Variants in MOK observed in about 807,000 individuals in gnomAD.
The protein encoded by MOK is MAPK/MAK/MRK overlapping kinase.
Under a neutral mutation model 54.2 loss-of-function variants are expected in MOK, and 59 were observed. The observed-to-expected ratio is 1.09, with a 90% CI of 0.88 to 1.35. The LOEUF (loss-of-function observed/expected upper bound fraction) is 1.35. MOK is among the 40% of genes most tolerant of loss of function. MOK has a pLI of 0.00. For synonymous variants in MOK, 210 were observed against 202.7 expected (o/e 1.04, Z -0.31); for missense variants, 517 against 526.2 (o/e 0.98, Z 0.17).
chr14:102,250,834 A>T lies in MOK; in HGVS notation c.568T>A (p.Cys190Ser), dbSNP rs748164414. The change falls in exon 7 of 12, where the codon TGT becomes AGT. Residue 190 changes from cysteine to serine, a missense_variant. Cys to Ser is a moderately radical substitution (Grantham distance 112, BLOSUM62 -1). Transcript: ENST00000361847. ...TACCTGGCGATCTCGTAGAACACAC[A>T]GCCGGCGCTCCACAGGTCCATCTTG... Reference protein sequence around the residue: ...TYKMDLWSAGCVFYEIASLQP... With the variant: ...TYKMDLWSAGSVFYEIASLQP... 1.3e-5 allele frequency: 21 copies of T among 1,614,002 alleles called. No individual in the cohort carries two copies. The South Asian group carries it at 2.3e-4, about 18-fold the overall frequency.
At chr14:102,299,585 GT>G (rs1237999816) in intron 1 of MOK, among the ~76,000 whole-genome samples, 1 of 152,006 alleles carries the variant, frequency 6.6e-6, no homozygotes, top group African/African-American at 2.4e-5. Context: ...ACTTCTCTGG[GT>G]TTTTGTTTTA....
chr14:102,256,981 C>G (rs74543906), intron 4 of MOK, among the ~76,000 whole-genome samples: 1 of 151,986 alleles, frequency 6.6e-6, no homozygotes, highest in Non-Finnish European at 1.5e-5. Flanking sequence ...CAGAGACATT[C>G]ATCCAGAGAC....
intron 4 of MOK, among the ~76,000 whole-genome samples, chr14:102,254,455 A>C (rs1269866612): frequency 6.6e-6 from 1 of 152,240 alleles, no homozygotes; most frequent in Non-Finnish European, 1.5e-5. Context: ...AGATAAAAAG[A>C]AAGCAACTTT....
chr14:102,264,642 T>C (rs968612615), intron 3 of MOK: 1 of 152,236 alleles, frequency 6.6e-6, no homozygotes, highest in East Asian at 1.9e-4. Flanking sequence ...GACTATTACA[T>C]ACAAACTGCA....
intron 4 of MOK, among the ~76,000 whole-genome samples, chr14:102,258,845 A>C (rs1321818155): frequency 6.6e-6 from 1 of 152,238 alleles, no homozygotes; most frequent in East Asian, 1.9e-4. Context: ...AGGCGGGCAG[A>C]TCACGAGGTC....
Position 102,248,650 on chromosome 14 carries a change from T to C in MOK, c.590+2162A>G, listed in dbSNP as rs375064678. Among the ~76,000 whole-genome samples, 707 of 151,254 alleles carry C rather than the reference T, an allele frequency of 4.7e-3. 6 individuals are homozygous for C. The highest frequency in any genetic ancestry group is 0.016 in the African/African-American group (654 of 41,190). On this transcript the variant is annotated intron_variant, in intron 7 of 11. Transcript: ENST00000361847. ...AAAATTAGCCGGGCGTGCTGGCGGG[T>C]GCCTGTAGTCCCAGCTACTCGGGAG... is the stretch of plus-strand genomic sequence containing the variant.
intron 10 of MOK, 58 bp from the exon 11 acceptor site, chr14:102,229,715 G>C (rs933065476): frequency 4.8e-6 from 7 of 1,463,702 alleles, no homozygotes; most frequent in Non-Finnish European, 6.5e-6. Context: ...ATGGAAATTA[G>C]GAAAAACGAA....
chr14:102,256,098 A>G (rs944399191), intron 4 of MOK, among the ~76,000 whole-genome samples: 1 of 149,878 alleles, frequency 6.7e-6, no homozygotes, highest in Non-Finnish European at 1.5e-5. Flanking sequence ...CAAATGAGTT[A>G]TTATTATTTT....
At chr14:102,281,484 A>C in intron 2 of MOK, among the ~76,000 whole-genome samples, 1 of 144,082 alleles carries the variant, frequency 6.9e-6, no homozygotes, top group South Asian at 2.3e-4. Flanking sequence ...GGGCAACAGA[A>C]TGAGACCCTG....
At chr14:102,270,564 G>A (rs1654939268) in intron 2 of MOK, among the ~76,000 whole-genome samples, 1 of 151,734 alleles carries the variant, frequency 6.6e-6, no homozygotes, top group African/African-American at 2.4e-5. Flanking sequence ...TTGTGCCATT[G>A]CACTCCAGCC....
At chr14:102,288,587 T>C (rs2070399015) in intron 1 of MOK, among the ~76,000 whole-genome samples, 2 of 152,210 alleles carry the variant, frequency 1.3e-5, no homozygotes, top group South Asian at 4.1e-4. Context: ...CAGGTTTCTT[T>C]TGGGGATGAT....
intron 1 of MOK, among the ~76,000 whole-genome samples, chr14:102,294,236 G>A (rs866555956): frequency 7.9e-5 from 12 of 151,462 alleles, no homozygotes; most frequent in South Asian, 6.3e-4. Context: ...CACGAGGTCA[G>A]GAGATCAACA....
chr14:102,283,989 C>G (rs1039932644), intron 1 of MOK, among the ~76,000 whole-genome samples: 29 of 152,144 alleles, frequency 1.9e-4, no homozygotes, highest in African/African-American at 6.5e-4. Context: ...TGAAATTGAC[C>G]TTCCCTGGTC....
At chr14:102,250,696 A>G in intron 7 of MOK, 116 bp downstream of exon 7, 2 of 1,069,874 alleles carry the variant, frequency 1.9e-6, no homozygotes, top group South Asian at 3.4e-5. Context: ...AAAAACAGTA[A>G]AACAGAAAGA....
In MOK at chr14:102,229,151, G is replaced by A; in HGVS notation, c.*138C>T. 1.1e-6 allele frequency: 1 copy of A among 913,850 alleles called. No homozygotes were observed. The highest frequency in any genetic ancestry group is 1.6e-6 in the Non-Finnish European group (1 of 618,280). The allele number at this position is 913,850 out of a possible 1,614,324, so 56.6% of individuals were successfully genotyped here. A position where few individuals can be genotyped will look rare whatever the true frequency, so the allele number is the denominator to read the frequency against. ...CGCGGGTGCGGCAGGGCGCAGGGCA[G>A]CACCCAGAGCCCCGGCCAGCGCGAA... On this transcript the variant is annotated 3_prime_UTR_variant, in exon 12 of 12. Transcript: ENST00000361847.
At chr14:102,233,424 G>C (rs910902573) in intron 8 of MOK, 8 of 440,150 alleles carry the variant, frequency 1.8e-5, no homozygotes, top group African/African-American at 1.6e-4. Flanking sequence ...ATTACTCAGG[G>C]AACACAGCCT....
At chr14:102,275,176 CT>C (rs1567210506) in intron 2 of MOK, among the ~76,000 whole-genome samples, 1 of 152,082 alleles carries the variant, frequency 6.6e-6, no homozygotes, top group African/African-American at 2.4e-5. Flanking sequence ...CAAGGAAAGT[CT>C]TTTTTTAACA....
chr14:102,304,375 A>G (rs908347242), intron 1 of MOK, among the ~76,000 whole-genome samples: 1 of 152,240 alleles, frequency 6.6e-6, no homozygotes, highest in Non-Finnish European at 1.5e-5. Flanking sequence ...TTCTAGAATG[A>G]CTACCTCATT....
At chr14:102,226,100 C>T (rs1035514716), downstream of MOK, 3 of 566,884 alleles carry the variant, frequency 5.3e-6, no homozygotes, top group African/African-American at 5.7e-5. The surrounding 1 kb of genome is among the most constrained non-coding windows in gnomAD (Gnocchi z 4.8). Flanking sequence ...CGCACTGCTG[C>T]CGCCTGTCAC....
Sources: allele counts gnomAD v4.1 joint callset (sites outside exome capture counted in the v4.1 genomes callset), GRCh38; gene constraint gnomAD v4.1.1; non-coding constraint Gnocchi (gnomAD v3.1); transcripts MANE v1.5; gene names NCBI Gene and HGNC (gene_info 2026-07-23, HGNC 2026-07-21).